The following GUCA2B variants were observed in gnomAD, a reference collection of about 807,000 sequenced individuals.
The protein encoded by GUCA2B is guanylate cyclase activator 2B, also known as prepro-uroguanylin.
GUCA2B carries 7 observed loss-of-function variants against 11.1 expected under a neutral mutation model. The ratio of observed to expected loss-of-function variants is 0.63; its 90% CI spans 0.36 to 1.18. The LOEUF (loss-of-function observed/expected upper bound fraction) is 1.18. Among genes scored for constraint, GUCA2B ranks in the 50% most tolerant of loss-of-function variants. The pLI is 0.02. For missense variants in GUCA2B, 140 were observed against 142.5 expected, an observed-to-expected ratio of 0.98 and a Z score of 0.09; for synonymous variants, 69 against 65.3, an observed-to-expected ratio of 1.06 and a Z score of -0.27.
intron 1 of GUCA2B, 50 bp from the exon 2 acceptor site, chr1:42,154,630 C>A: frequency 2.7e-6 from 4 of 1,476,156 alleles, no homozygotes; most frequent in South Asian, 1.1e-5. Context: ...GCAGTGCCTG[C>A]CCCTGGACCA....
Position 42,155,555 on chromosome 1 carries a change from T to C in GUCA2B, c.298T>C (p.Cys100Arg). The C allele has an allele frequency of 6.2e-7, 1 of 1,614,102 alleles. No individual in the cohort carries two copies. Among genetic ancestry groups the C allele is most frequent in the Non-Finnish European group, 8.5e-7 (1 of 1,179,938 alleles). The part of the protein sequence containing the change: ...KTLRTIANDD[C>R]ELCVNVACTG... Reference sequence around the variant, plus strand: ...CCCAGGGACCATCGCTAACGACGACTGTGAGCTGTGTGTGAACGTTGCGTG... The same window carrying C: ...CCCAGGGACCATCGCTAACGACGACCGTGAGCTGTGTGTGAACGTTGCGTG... Residue 100 changes from cysteine to arginine, a missense_variant, in exon 3 of 3, where the codon TGT (cysteine) becomes CGT (arginine). Physicochemically the swap from Cys to Arg is radical, Grantham distance 180. Coordinates refer to ENST00000372581, the MANE Select transcript of GUCA2B (RefSeq NM_007102.3).
intron 1 of GUCA2B, 124 bp downstream of exon 1, chr1:42,153,664 C>T (rs1646094658): frequency 6.0e-6 from 4 of 668,166 alleles, no homozygotes; most frequent in Non-Finnish European, 1.0e-5. Context: ...CTCAGCCCAA[C>T]ACCCATCACA....
At chr1:42,155,045 T>C (rs1646102621) in intron 2 of GUCA2B, among the ~76,000 whole-genome samples, 179 bp downstream of exon 2, 1 of 152,206 alleles carries the variant, frequency 6.6e-6, no homozygotes, top group Admixed American at 6.5e-5. Flanking sequence ...CAGGCATGCC[T>C]GGAACCTGCT....
intron 1 of GUCA2B, among the ~76,000 whole-genome samples, chr1:42,154,422 G>T (rs1646098371): frequency 6.6e-6 from 1 of 152,220 alleles, no homozygotes; most frequent in South Asian, 2.1e-4. Context: ...CAGACAGGCA[G>T]CCGGTCATGG....
intron 1 of GUCA2B, among the ~76,000 whole-genome samples, chr1:42,153,984 A>G (rs917700642): frequency 6.6e-6 from 1 of 152,214 alleles, no homozygotes; most frequent in African/African-American, 2.4e-5. Flanking sequence ...AGGTTGCCAG[A>G]CACAGATGAT....
At chr1:42,154,186 C>A (rs1029166391) in intron 1 of GUCA2B, among the ~76,000 whole-genome samples, 1 of 152,140 alleles carries the variant, frequency 6.6e-6, no homozygotes, top group Non-Finnish European at 1.5e-5. Context: ...CTGGGTGTCA[C>A]ATCCCTGACT....
In GUCA2B at chr1:42,154,727, C is replaced by T. The variant is rs143243110; in HGVS notation, c.138C>T (p.Asp46=). 3.3e-5 allele frequency: 53 copies of T among 1,614,000 alleles called. No homozygotes were observed. The highest frequency in any genetic ancestry group is 1.6e-4 in the Middle Eastern group (1 of 6,082). The change falls in exon 2 of 3, where the codon GAC becomes GAT. Residue 46 remains aspartate (D), a synonymous_variant. Transcript: ENST00000372581. ...TGGAATCCATGAAGAAGCTGAGTGA[C>T]CTGGAGGCACAGTGGGCACCCAGCC... is the stretch of plus-strand genomic sequence containing the variant. ...VQLESMKKLS[D]LEAQWAPSPR... is the part of the protein sequence containing the mutation.
In GUCA2B at chr1:42,155,554, CTG is replaced by C. The variant is rs1380308319; in HGVS notation, c.300_301del (p.Cys100Ter). 1 of 1,614,106 alleles carries C rather than the reference CTG, an allele frequency of 6.2e-7. No individual in the cohort carries two copies. The highest frequency in any genetic ancestry group is 1.3e-5 in the African/African-American group (1 of 75,060). On this transcript the variant is annotated frameshift_variant, in exon 3 of 3. Transcript: ENST00000372581. LOFTEE classifies it high-confidence loss of function. ...KTLRTIANDD[C>X]ELCVNVACTG... is the part of the protein sequence containing the mutation. ...GCCCAGGGACCATCGCTAACGACGACTGTGAGCTGTGTGTGAACGTTGCGTGT... is the reference window on the plus strand; with the variant it reads ...GCCCAGGGACCATCGCTAACGACGACTGAGCTGTGTGTGAACGTTGCGTGT...
chr1:42,154,668 C>T lies in GUCA2B; in HGVS notation c.91-12C>T, dbSNP rs200007740. 4 of 1,611,982 alleles carry T rather than the reference C, an allele frequency of 2.5e-6. No individual in the cohort carries two copies. The highest frequency in any genetic ancestry group is 2.2e-5 in the East Asian group (1 of 44,880). On this transcript the variant is annotated splice_polypyrimidine_tract_variant and intron_variant, in intron 1 of 2. Transcript: ENST00000372581. Reference sequence around the variant, plus strand: ...TCTTGACCTGCTCCTATCTCCTCTCCCCTGTCTGTAGTACCAAGGCTTCCG... The same window carrying T: ...TCTTGACCTGCTCCTATCTCCTCTCTCCTGTCTGTAGTACCAAGGCTTCCG...
At chr1:42,153,885 T>C (rs537720577) in intron 1 of GUCA2B, among the ~76,000 whole-genome samples, 3 of 152,138 alleles carry the variant, frequency 2.0e-5, no homozygotes, top group Non-Finnish European at 4.4e-5. Flanking sequence ...CAGTTCCGTA[T>C]ATTCACCCAC....
Position 42,154,687 on chromosome 1 carries a change from G to C in GUCA2B, c.98G>C (p.Gly33Ala). ...STQSVYIQYQ[G>A]FRVQLESMKK... ...CCTCTCCCCTGTCTGTAGTACCAAG[G>C]CTTCCGGGTCCAGCTGGAATCCATG... The change falls in exon 2 of 3, where the codon GGC (glycine) becomes GCC (alanine). Residue 33 changes from glycine (G) to alanine (A), a missense_variant. Coordinates refer to ENST00000372581, the MANE Select transcript of GUCA2B (RefSeq NM_007102.3). The C allele has an allele frequency of 6.2e-7, 1 of 1,613,980 alleles. No individual in the cohort carries two copies. The highest frequency in any genetic ancestry group is 8.5e-7 in the Non-Finnish European group (1 of 1,179,838).
At chr1:42,155,142 T>A (rs1023187615) in intron 2 of GUCA2B, among the ~76,000 whole-genome samples, 1 of 152,172 alleles carries the variant, frequency 6.6e-6, no homozygotes, top group Non-Finnish European at 1.5e-5. Context: ...ACATCTGCGA[T>A]GGGACAGGGG....
At position 42,155,691 on chromosome 1, in the gene GUCA2B, C is replaced by CAG; in HGVS notation, c.*95_*96insAG. The CAG allele has an allele frequency of 1.1e-6, 1 of 932,158 alleles. No individual in the cohort carries two copies. Among genetic ancestry groups the CAG allele is most frequent in the Admixed American group, 1.7e-5 (1 of 58,172 alleles). 57.7% of individuals were successfully genotyped at this position (932,158 alleles called of 1,614,324 possible). A position where few individuals can be genotyped will look rare whatever the true frequency, so the allele number is the denominator to read the frequency against. On this transcript the variant is annotated 3_prime_UTR_variant, in exon 3 of 3. Transcript: ENST00000372581. ...ATCCCCGTCCATGCTCAAGATGGGT[C>CAG]CCTGGCCACCATGGTCATCACCACC...
intron 1 of GUCA2B, 40 bp downstream of exon 1, chr1:42,153,580 C>A: frequency 7.1e-7 from 1 of 1,414,968 alleles, no homozygotes; most frequent in Non-Finnish European, 9.9e-7. Context: ...CTGAAGGGCC[C>A]CATGGTGGGA....
intron 1 of GUCA2B, 95 bp downstream of exon 1, chr1:42,153,635 G>GCTCCCCC: frequency 1.1e-6 from 1 of 881,572 alleles, no homozygotes; most frequent in Non-Finnish European, 1.8e-6. Context: ...GGGGCACCGG[G>GCTCCCCC]GGAGCACGGG....
chr1:42,153,639 G>A, intron 1 of GUCA2B, 99 bp downstream of exon 1: 1 of 867,210 alleles, frequency 1.2e-6, no homozygotes, highest in Non-Finnish European at 1.8e-6. Flanking sequence ...CACCGGGGGA[G>A]CACGGGGCCC....
At position 42,154,668 on chromosome 1, in the gene GUCA2B, C is replaced by G. The variant is rs200007740; in HGVS notation, c.91-12C>G. On this transcript the variant is annotated splice_polypyrimidine_tract_variant and intron_variant, in intron 1 of 2. Transcript: ENST00000372581. ...TCTTGACCTGCTCCTATCTCCTCTC[C>G]CCTGTCTGTAGTACCAAGGCTTCCG... is the stretch of plus-strand genomic sequence containing the variant. The G allele has an allele frequency of 6.2e-7, 1 of 1,611,982 alleles. No homozygotes were observed. Among genetic ancestry groups the G allele is most frequent in the African/African-American group, 1.3e-5 (1 of 74,896 alleles).
chr1:42,154,956 G>A (rs1001817606), intron 2 of GUCA2B, 90 bp downstream of exon 2: 26 of 993,812 alleles, frequency 2.6e-5, no homozygotes, highest in African/African-American at 6.5e-5. Flanking sequence ...AGCACCCAGC[G>A]GCTGAGGATG....
Position 42,154,700 on chromosome 1 carries a change from G to A in GUCA2B, c.111G>A (p.Gln37=). The change falls in exon 2 of 3, where the codon CAG becomes CAA. Residue 37 remains glutamine (Q), a synonymous_variant. Transcript: ENST00000372581. ...VYIQYQGFRV[Q]LESMKKLSDL... ...TGTAGTACCAAGGCTTCCGGGTCCA[G>A]CTGGAATCCATGAAGAAGCTGAGTG... 1 of 1,614,094 alleles carries A rather than the reference G, an allele frequency of 6.2e-7. No individual in the cohort carries two copies. Among genetic ancestry groups the A allele is most frequent in the Non-Finnish European group, 8.5e-7 (1 of 1,179,914 alleles).
Sources: gnomAD v4.1 joint callset for allele counts (sites outside exome capture counted in the v4.1 genomes callset) on GRCh38, gnomAD v4.1.1 for gene constraint, MANE v1.5 for transcripts, NCBI Gene and HGNC (gene_info 2026-07-23, HGNC 2026-07-21) for gene names.